Variants in ARHGEF9 observed in about 807,000 individuals in gnomAD.
The protein encoded by ARHGEF9 is Cdc42 guanine nucleotide exchange factor 9.
In ARHGEF9, 2 loss-of-function variants were observed where a neutral mutation model predicts 41.3. The ratio of observed to expected loss-of-function variants is 0.05; its 90% CI spans 0.02 to 0.15. The LOEUF is 0.15. Among genes scored for constraint, ARHGEF9 ranks in the 10% least tolerant of loss-of-function variants. The probability of loss-of-function intolerance (pLI) is 1.00; values close to 1 mark genes in which losing one functional copy is unlikely to be tolerated. For missense variants in ARHGEF9, 225 were observed against 424.7 expected (o/e 0.53, Z 4.13); for synonymous variants, 160 against 154.4 (o/e 1.04, Z -0.27).
In ARHGEF9 at chrX:63,750,418, C is replaced by A. The variant is rs146177680; in HGVS notation, c.31-25707G>T. ...AGGGTCCAAGCCCTGTTTACCAGCT[C>A]CATTATCAAACTTGCTCTTTCAACT... On this transcript the variant is annotated intron_variant, in intron 1 of 9. Transcript: ENST00000671741. 1.5e-3 allele frequency among the ~76,000 whole-genome samples: 165 copies of A among 111,389 alleles called. No homozygotes were observed. The East Asian group carries it at 0.015, about 10-fold the overall frequency.
At chrX:63,659,774 C>T (rs1202518939) in intron 7 of ARHGEF9, among the ~76,000 whole-genome samples, 2 of 111,342 alleles carry the variant, frequency 1.8e-5, no homozygotes, top group Non-Finnish European at 3.8e-5. Context: ...AACAGTGACC[C>T]CTTAAATAGC....
At chrX:63,644,210 G>A in intron 8 of ARHGEF9, 162 bp from the exon 9 acceptor site, 1 of 390,203 alleles carries the variant, frequency 2.6e-6, no homozygotes, top group Admixed American at 4.7e-5. Flanking sequence ...TAATTTCTAG[G>A]AATTTCACTA....
intron 1 of ARHGEF9, among the ~76,000 whole-genome samples, chrX:63,734,306 T>C (rs1256004230): frequency 1.8e-5 from 2 of 112,238 alleles, no homozygotes; most frequent in Non-Finnish European, 3.8e-5. Context: ...TCCTATATAC[T>C]ACAACAGCTC....
rs189324396 is a variant in ARHGEF9, at chrX:63,784,036, C to T, written c.30+1080G>A. 5.0e-3 allele frequency among the ~76,000 whole-genome samples: 556 copies of T among 112,176 alleles called. 1 individual carries two copies. The highest frequency in any genetic ancestry group is 8.3e-3 in the Non-Finnish European group (444 of 53,188). On this transcript the variant is annotated intron_variant, in intron 1 of 9. Transcript: ENST00000671741. ...AGCCCACACCAGATTCCCTCTTCCC[C>T]TCCACAATGAAAGCAAAAATGGAGT...
chrX:63,643,359 AC>A (rs1556308452), intron 9 of ARHGEF9, among the ~76,000 whole-genome samples: 2 of 103,092 alleles, frequency 1.9e-5, no homozygotes, highest in Non-Finnish European at 3.9e-5. Context: ...ATATCTTTAT[AC>A]TTTTTTTTTT....
chrX:63,765,435 C>T (rs2056098514), intron 1 of ARHGEF9, among the ~76,000 whole-genome samples: 1 of 110,855 alleles, frequency 9.0e-6, no homozygotes, highest in Admixed American at 9.6e-5. Context: ...AGCACCAACT[C>T]TCTAGATCTT....
intron 1 of ARHGEF9, chrX:63,767,151 A>T (rs1337387732): frequency 2.3e-6 from 2 of 861,708 alleles, no homozygotes; most frequent in African/African-American, 4.0e-5. Context: ...AAAGCAGCTG[A>T]CAGAAATGCC....
chrX:63,766,505 G>A (rs2056115883), intron 1 of ARHGEF9, among the ~76,000 whole-genome samples: 2 of 111,750 alleles, frequency 1.8e-5, no homozygotes, highest in South Asian at 3.8e-4. Context: ...GATGGCTACA[G>A]GTTGCCTGAG....
intron 1 of ARHGEF9, among the ~76,000 whole-genome samples, chrX:63,783,368 G>C (rs1171971174): frequency 1.9e-5 from 2 of 106,942 alleles, no homozygotes; most frequent in Non-Finnish European, 3.8e-5. Context: ...TCCCCCTCCT[G>C]GGTTCGAGTG....
intron 4 of ARHGEF9, among the ~76,000 whole-genome samples, chrX:63,682,461 G>A (rs782232445): frequency 1.0e-3 from 115 of 109,632 alleles, no homozygotes; most frequent in African/African-American, 3.6e-3. Flanking sequence ...CTTGCAGTGA[G>A]CCGACATTGC....
intron 8 of ARHGEF9, among the ~76,000 whole-genome samples, chrX:63,650,363 C>T (rs1386415084): frequency 9.0e-6 from 1 of 111,097 alleles, no homozygotes; most frequent in Non-Finnish European, 1.9e-5. Flanking sequence ...AAATGAAATC[C>T]TGTCATCTGC....
At chrX:63,703,950 G>A (rs1280697606) in intron 3 of ARHGEF9, among the ~76,000 whole-genome samples, 1 of 111,514 alleles carries the variant, frequency 9.0e-6, no homozygotes, top group Non-Finnish European at 1.9e-5. Context: ...GAATATATTA[G>A]TAATGCTGAA....
intron 5 of ARHGEF9, among the ~76,000 whole-genome samples, chrX:63,675,337 T>G (rs1159972601): frequency 1.8e-5 from 2 of 111,923 alleles, no homozygotes; most frequent in Non-Finnish European, 3.8e-5. Context: ...ATGGAGCTTC[T>G]GCCCAAAATC....
chrX:63,675,218 C>T (rs1249990823), intron 5 of ARHGEF9, among the ~76,000 whole-genome samples: 2 of 111,627 alleles, frequency 1.8e-5, no homozygotes, highest in African/African-American at 6.5e-5. Context: ...TATTTTGTTA[C>T]ATCACTTTTT....
chrX:63,738,639 T>C (rs1439641868), intron 1 of ARHGEF9, among the ~76,000 whole-genome samples: 1 of 111,262 alleles, frequency 9.0e-6, no homozygotes, highest in African/African-American at 3.3e-5. Context: ...ATGAATACTG[T>C]AGTCATTTTG....
At chrX:63,649,514 A>G (rs1257816789) in intron 8 of ARHGEF9, among the ~76,000 whole-genome samples, 1 of 111,871 alleles carries the variant, frequency 8.9e-6, no homozygotes, top group Non-Finnish European at 1.9e-5. Context: ...ACACCCTAAC[A>G]TCACAATTAA....
At chrX:63,666,213 T>G (rs1322308502) in intron 6 of ARHGEF9, among the ~76,000 whole-genome samples, 196 bp from the exon 7 acceptor site, 1 of 107,947 alleles carries the variant, frequency 9.3e-6, no homozygotes, top group East Asian at 2.9e-4. Flanking sequence ...ACCCATTTTC[T>G]TATTCACCCC....
intron 4 of ARHGEF9, among the ~76,000 whole-genome samples, chrX:63,693,202 G>A (rs1238741318): frequency 8.9e-6 from 1 of 112,156 alleles, no homozygotes; most frequent in Non-Finnish European, 1.9e-5. Context: ...AAAAACAATT[G>A]TAGTTAACAA....
chrX:63,662,613 T>C (rs1234929731), intron 7 of ARHGEF9, among the ~76,000 whole-genome samples: 1 of 111,857 alleles, frequency 8.9e-6, no homozygotes, highest in East Asian at 2.8e-4. Context: ...AATTCCTGGC[T>C]CTATCACTCA....
Sources: gnomAD v4.1 joint callset for allele counts (sites outside exome capture counted in the v4.1 genomes callset) on GRCh38, gnomAD v4.1.1 for gene constraint, MANE v1.5 for transcripts, NCBI Gene and HGNC (gene_info 2026-07-23, HGNC 2026-07-21) for gene names.